Variants in PTPRT observed in about 807,000 individuals in gnomAD.
The protein encoded by PTPRT is protein tyrosine phosphatase receptor type T.
PTPRT carries 56 observed loss-of-function variants against 176.8 expected under a neutral mutation model. The observed-to-expected ratio is 0.32, with a 90% CI of 0.26 to 0.40. The LOEUF (loss-of-function observed/expected upper bound fraction) is 0.40. PTPRT is among the 10% of genes least tolerant of loss of function. The pLI, the probability that PTPRT is intolerant of heterozygous loss-of-function variation, is 1.00. For synonymous variants in PTPRT, 783 were observed against 739.0 expected (o/e 1.06, Z -0.96); for missense variants, 1,540 against 1,908.2 (o/e 0.81, Z 3.60).
chr20:42,781,402 A>C (rs2077213742), intron 3 of PTPRT, among the ~76,000 whole-genome samples: 1 of 152,036 alleles, frequency 6.6e-6, no homozygotes, highest in Non-Finnish European at 1.5e-5. Flanking sequence ...GCTGACTTCT[A>C]ACTTTTTACC....
At chr20:42,498,304 G>A (rs1263058885) in intron 7 of PTPRT, among the ~76,000 whole-genome samples, 1 of 152,082 alleles carries the variant, frequency 6.6e-6, no homozygotes, top group Non-Finnish European at 1.5e-5. Flanking sequence ...GGAAGGCAGG[G>A]GGCAGGGGCG....
chr20:42,883,839 T>TACACAC (rs2079058129), intron 2 of PTPRT, among the ~76,000 whole-genome samples: 1 of 4,242 alleles, frequency 2.4e-4, no homozygotes, highest in Non-Finnish European at 4.9e-4. Flanking sequence ...CACACCCCCA[T>TACACAC]ACACATAGAC....
At chr20:42,327,249 C>T (rs903182923) in intron 11 of PTPRT, among the ~76,000 whole-genome samples, 1 of 151,906 alleles carries the variant, frequency 6.6e-6, no homozygotes. Context: ...TAAGACCTCG[C>T]TACATATGAA....
At chr20:43,111,546 G>GAAAAAAAAAAAAA (rs11424029) in intron 1 of PTPRT, among the ~76,000 whole-genome samples, 1 of 83,448 alleles carries the variant, frequency 1.2e-5, no homozygotes. Context: ...TCCGTCTCAG[G>GAAAAAAAAAAAAA]AAAAAAAAAA....
chr20:42,485,145 G>A lies in PTPRT; in HGVS notation c.1154-12583C>T, dbSNP rs371744377. On this transcript the variant is annotated intron_variant, in intron 7 of 30. Coordinates refer to ENST00000373187, the MANE Select transcript of PTPRT (RefSeq NM_007050.6). Reference sequence around the variant, plus strand: ...TTACTTTTGCGCTAGAGGAAATCGGGTTGGGAAAAGAGAAGCAATTTTGAA... The same window carrying A: ...TTACTTTTGCGCTAGAGGAAATCGGATTGGGAAAAGAGAAGCAATTTTGAA... Among the ~76,000 whole-genome samples the A allele has an allele frequency of 6.6e-5, 10 of 152,308 alleles. No homozygotes were observed. In the South Asian group the frequency reaches 1.2e-3, roughly 19 times the overall value.
At chr20:42,473,510 C>T (rs1052679832) in intron 7 of PTPRT, among the ~76,000 whole-genome samples, 1 of 152,108 alleles carries the variant, frequency 6.6e-6, no homozygotes, top group Admixed American at 6.6e-5. Context: ...GAGTCTGACT[C>T]TCTATCCTAG....
At chr20:42,714,106 T>TG (rs1353581470) in intron 6 of PTPRT, among the ~76,000 whole-genome samples, 1 of 152,158 alleles carries the variant, frequency 6.6e-6, no homozygotes, top group East Asian at 1.9e-4. Flanking sequence ...ATGCAGCTGT[T>TG]GGGTGAGCAC....
intron 6 of PTPRT, among the ~76,000 whole-genome samples, chr20:42,714,021 G>T (rs965689595): frequency 6.6e-6 from 1 of 152,150 alleles, no homozygotes. Context: ...TTTCTTTATA[G>T]CAACGCAAGA....
intron 9 of PTPRT, among the ~76,000 whole-genome samples, chr20:42,440,475 TTC>T (rs2145830693): frequency 6.6e-6 from 1 of 151,692 alleles, no homozygotes; most frequent in African/African-American, 2.4e-5. Flanking sequence ...TATTAGTTGT[TTC>T]TTTCTTTTTT....
chr20:42,452,775 A>C (rs1457552855), intron 8 of PTPRT, among the ~76,000 whole-genome samples: 1 of 152,218 alleles, frequency 6.6e-6, no homozygotes, highest in Non-Finnish European at 1.5e-5. Context: ...AGTACAGATG[A>C]ATAGTTGTTC....
intron 11 of PTPRT, among the ~76,000 whole-genome samples, chr20:42,344,134 A>G (rs2058153015): frequency 1.3e-5 from 2 of 152,220 alleles, no homozygotes; most frequent in Admixed American, 1.3e-4. Flanking sequence ...TCCTGTCCTC[A>G]GGTGATCTGC....
chr20:42,345,095 C>T (rs573954241), intron 11 of PTPRT, among the ~76,000 whole-genome samples: 2 of 152,066 alleles, frequency 1.3e-5, no homozygotes, highest in African/African-American at 2.4e-5. Flanking sequence ...CTCATTGGCA[C>T]CTTTTCTTTT....
intron 1 of PTPRT, among the ~76,000 whole-genome samples, chr20:43,076,084 G>C (rs1258715552): frequency 6.6e-6 from 1 of 152,120 alleles, no homozygotes; most frequent in Admixed American, 6.5e-5. Flanking sequence ...ACTATAATTA[G>C]AAGAAGATAA....
intron 2 of PTPRT, among the ~76,000 whole-genome samples, chr20:42,860,038 A>C (rs1179780444): frequency 6.6e-6 from 1 of 152,094 alleles, no homozygotes; most frequent in Non-Finnish European, 1.5e-5. Context: ...AATGTCATCT[A>C]TGTTTTCCAA....
At chr20:42,149,535 C>T (rs962416346) in intron 17 of PTPRT, among the ~76,000 whole-genome samples, 5 of 151,676 alleles carry the variant, frequency 3.3e-5, no homozygotes, top group African/African-American at 9.7e-5. Flanking sequence ...GTGATTCTCC[C>T]GCCTCAGCCT....
intron 13 of PTPRT, among the ~76,000 whole-genome samples, 186 bp from the exon 14 acceptor site, chr20:42,249,008 A>G (rs983272326): frequency 2.6e-5 from 4 of 152,244 alleles, no homozygotes; most frequent in Non-Finnish European, 5.9e-5. Flanking sequence ...GGTTGGGATT[A>G]TCATTAGATT....
chr20:42,802,937 C>A (rs1024870838), intron 2 of PTPRT, among the ~76,000 whole-genome samples: 1 of 152,164 alleles, frequency 6.6e-6, no homozygotes, highest in Non-Finnish European at 1.5e-5. Context: ...AGGCTTGTTA[C>A]GTGAATTAAA....
chr20:43,134,577 G>A (rs898712577), intron 1 of PTPRT, among the ~76,000 whole-genome samples: 31 of 152,122 alleles, frequency 2.0e-4, no homozygotes, highest in African/African-American at 7.2e-4. Context: ...TGCTGTATTC[G>A]GAGTTGAGCC....
At chr20:42,648,820 G>GTTTTTTTTTTTTTTTTTTTTT (rs68036487) in intron 7 of PTPRT, among the ~76,000 whole-genome samples, 1 of 111,834 alleles carries the variant, frequency 8.9e-6, no homozygotes, top group African/African-American at 3.7e-5. Flanking sequence ...TGGTGTCGTT[G>GTTTTTTTTTTTTTTTTTTTTT]TTTTTTTTTT....
Sources: allele counts gnomAD v4.1 joint callset (sites outside exome capture counted in the v4.1 genomes callset), GRCh38; gene constraint gnomAD v4.1.1; transcripts MANE v1.5; gene names NCBI Gene and HGNC (gene_info 2026-07-23, HGNC 2026-07-21).